The following FBXL2 variants were observed in gnomAD, a reference collection of about 807,000 sequenced individuals.
FBXL2 encodes the protein F-box/LRR-repeat protein 2.
A neutral mutation model predicts 69.2 loss-of-function variants in FBXL2; 38 were observed. The ratio of observed to expected loss-of-function variants is 0.55; its 90% CI spans 0.42 to 0.72. The LOEUF (loss-of-function observed/expected upper bound fraction) is 0.72, where lower values mean the gene tolerates loss of function less well. FBXL2 is among the 30% of genes least tolerant of loss of function. FBXL2 has a pLI of 0.00. For missense variants in FBXL2, 354 were observed against 520.3 expected (o/e 0.68, Z 3.11); for synonymous variants, 192 against 201.3 (o/e 0.95, Z 0.39).
At chr3:33,374,853 T>C (rs1399573809) in intron 9 of FBXL2, among the ~76,000 whole-genome samples, 1 of 152,206 alleles carries the variant, frequency 6.6e-6, no homozygotes, top group Admixed American at 6.5e-5. Flanking sequence ...TATATGTGTA[T>C]ATTGTAAATA....
At chr3:33,409,301 C>G in the FBXL2 span, 1 of 1,614,142 alleles carries the variant, frequency 6.2e-7, no homozygotes, top group South Asian at 1.1e-5. Flanking sequence ...GTTCTCTTCT[C>G]CATCTTCTCT....
chr3:33,420,842 C>T, the FBXL2 span, among the ~76,000 whole-genome samples: 4 of 152,072 alleles, frequency 2.6e-5, no homozygotes, highest in African/African-American at 7.2e-5. Flanking sequence ...AGGCTGTTAT[C>T]GAACTCCCAA....
chr3:33,411,735 TA>T, the FBXL2 span: 1 of 1,459,958 alleles, frequency 6.8e-7, no homozygotes, highest in Non-Finnish European at 9.6e-7. Context: ...TTAAATAACT[TA>T]AAAAACTTAC....
At chr3:33,319,588 A>G (rs1355277952) in intron 2 of FBXL2, among the ~76,000 whole-genome samples, 4 of 152,210 alleles carry the variant, frequency 2.6e-5, no homozygotes, top group African/African-American at 4.8e-5. Flanking sequence ...GGGAAATAGA[A>G]TGTGTTTGTT....
intron 2 of FBXL2, among the ~76,000 whole-genome samples, chr3:33,302,098 T>C (rs2036346190): frequency 6.6e-6 from 1 of 152,180 alleles, no homozygotes; most frequent in South Asian, 2.1e-4. Flanking sequence ...TAAATGCTAT[T>C]TGACAATGCA....
At chr3:33,380,097 C>A (rs969900555) in intron 13 of FBXL2, among the ~76,000 whole-genome samples, 2 of 151,648 alleles carry the variant, frequency 1.3e-5, no homozygotes, top group Non-Finnish European at 2.9e-5. Context: ...TGGTGGCACA[C>A]GCCTGTAGTC....
intron 2 of FBXL2, among the ~76,000 whole-genome samples, chr3:33,312,063 T>A (rs28866794): frequency 6.6e-6 from 1 of 152,198 alleles, no homozygotes; most frequent in East Asian, 1.9e-4. Flanking sequence ...ATTCTTTTTT[T>A]ATTTTTATTT....
intron 1 of FBXL2, among the ~76,000 whole-genome samples, chr3:33,282,408 A>C (rs1401595731): frequency 6.6e-6 from 1 of 151,990 alleles, no homozygotes; most frequent in Non-Finnish European, 1.5e-5. Flanking sequence ...TGGTGTATAT[A>C]TCTGTTTTGG....
intron 13 of FBXL2, chr3:33,383,379 A>G (rs2043188055): frequency 6.5e-6 from 1 of 153,432 alleles, no homozygotes; most frequent in Non-Finnish European, 1.5e-5. Context: ...AATTACATAA[A>G]TGTCATTTGG....
chr3:33,409,189 A>G, the FBXL2 span: 1 of 1,572,988 alleles, frequency 6.4e-7, no homozygotes, highest in Non-Finnish European at 8.7e-7. Context: ...ATAGACTAAT[A>G]TGCAACCTTT....
chr3:33,319,700 A>G (rs896227122), intron 2 of FBXL2, among the ~76,000 whole-genome samples: 1 of 152,232 alleles, frequency 6.6e-6, no homozygotes, highest in Non-Finnish European at 1.5e-5. Context: ...AGAAGGTATC[A>G]TATTAACCAT....
At chr3:33,305,412 A>G (rs779343068) in intron 2 of FBXL2, among the ~76,000 whole-genome samples, 1 of 151,894 alleles carries the variant, frequency 6.6e-6, no homozygotes, top group Non-Finnish European at 1.5e-5. Context: ...CACCTCTGTC[A>G]TGTATTTATG....
At chr3:33,400,255 C>T (rs1246264865) in intron 12 of FBXL2, 1 of 1,600,732 alleles carries the variant, frequency 6.2e-7, no homozygotes, top group African/African-American at 1.4e-5. Flanking sequence ...TGCTGTGTTT[C>T]CTGGATCGTA....
chr3:33,286,701 C>T (rs939977307), intron 1 of FBXL2, among the ~76,000 whole-genome samples: 30 of 152,232 alleles, frequency 2.0e-4, no homozygotes, highest in Admixed American at 1.3e-4. Flanking sequence ...TCGAGCTTCC[C>T]GGCTGCTTTG....
chr3:33,365,796 G>A (rs550159681), intron 5 of FBXL2, among the ~76,000 whole-genome samples: 23 of 152,272 alleles, frequency 1.5e-4, no homozygotes, highest in African/African-American at 4.8e-4. Flanking sequence ...AGACAGAGAT[G>A]ATTAAAACCT....
chr3:33,293,654 T>C (rs752472343), intron 1 of FBXL2, among the ~76,000 whole-genome samples: 4 of 152,206 alleles, frequency 2.6e-5, no homozygotes, highest in Non-Finnish European at 5.9e-5. Flanking sequence ...TTTTTTTTCC[T>C]GTATTGGGGT....
chr3:33,343,170 A>G (rs4678549), intron 2 of FBXL2, among the ~76,000 whole-genome samples: 150,465 of 152,042 alleles, frequency 0.99, 74,463 homozygotes, highest in Middle Eastern at 1. Context: ...TGATAGTTAA[A>G]GAACATTTTG....
At chr3:33,419,628 C>CAAAAA in the FBXL2 span, among the ~76,000 whole-genome samples, 1 of 100,830 alleles carries the variant, frequency 9.9e-6, no homozygotes, top group Non-Finnish European at 2.2e-5. Context: ...GACTCCATCT[C>CAAAAA]AAAAAAAAAA....
At chr3:33,390,616 G>T, downstream of FBXL2, 1 of 547,408 alleles carries the variant, frequency 1.8e-6, no homozygotes, top group South Asian at 2.1e-5. Flanking sequence ...AACACTGTCT[G>T]CCAGTTCTGG....
Sources: gnomAD v4.1 joint callset for allele counts (sites outside exome capture counted in the v4.1 genomes callset) on GRCh38, gnomAD v4.1.1 for gene constraint, MANE v1.5 for transcripts, NCBI Gene and HGNC (gene_info 2026-07-23, HGNC 2026-07-21) for gene names.